Variants in EFCAB11 observed in about 807,000 individuals in gnomAD.
The protein encoded by EFCAB11 is EF-hand calcium binding domain 11, also known as EF-hand calcium-binding domain-containing protein 11.
A neutral mutation model predicts 23.0 loss-of-function variants in EFCAB11; 14 were observed. The ratio of observed to expected loss-of-function variants is 0.61; its 90% confidence interval spans 0.40 to 0.95. The LOEUF is 0.95. Among genes scored for constraint, EFCAB11 ranks in the 40% least tolerant of loss-of-function variants. The pLI, the probability that EFCAB11 is intolerant of heterozygous loss-of-function variation, is 0.00. For missense variants in EFCAB11, 198 were observed against 195.8 expected, an observed-to-expected ratio of 1.01 and a Z score of -0.07; for synonymous variants, 65 against 66.6, an observed-to-expected ratio of 0.98 and a Z score of 0.11.
intron 5 of EFCAB11, among the ~76,000 whole-genome samples, chr14:89,865,240 T>C (rs1344863179): frequency 6.6e-6 from 1 of 152,218 alleles, no homozygotes; most frequent in Non-Finnish European, 1.5e-5. Context: ...CATGGTTCTG[T>C]TGTGAGAGTC....
At chr14:89,842,404 C>T (rs1887295524) in intron 5 of EFCAB11, among the ~76,000 whole-genome samples, 1 of 152,160 alleles carries the variant, frequency 6.6e-6, no homozygotes, top group South Asian at 2.1e-4. Context: ...GCCTAGCCGA[C>T]AGGCTGAAAC....
intron 5 of EFCAB11, among the ~76,000 whole-genome samples, chr14:89,815,675 C>A (rs549657645): frequency 6.6e-6 from 1 of 152,106 alleles, no homozygotes; most frequent in African/African-American, 2.4e-5. Context: ...CCACCCGCCT[C>A]GGCCTCCCAA....
chr14:89,900,363 C>T (rs1171161545), intron 5 of EFCAB11, among the ~76,000 whole-genome samples: 1 of 151,818 alleles, frequency 6.6e-6, no homozygotes, highest in African/African-American at 2.4e-5. Flanking sequence ...GCAGGGCTAC[C>T]CAGGGGGCTT....
In EFCAB11 at chr14:89,953,896, A is replaced by G; in HGVS notation, c.171+10T>C. 1.9e-6 allele frequency: 3 copies of G among 1,609,968 alleles called. No individual in the cohort carries two copies. Among genetic ancestry groups the G allele is most frequent in the Non-Finnish European group, 2.5e-6 (3 of 1,178,042 alleles). On this transcript the variant is annotated intron_variant, in intron 2 of 5. Transcript: ENST00000316738. Reference sequence around the variant, plus strand: ...TCTACCCCATCCCCAAATATATAAGAAAGCTCTACCTTGGAGGGCTTGTAC... The same window carrying G: ...TCTACCCCATCCCCAAATATATAAGGAAGCTCTACCTTGGAGGGCTTGTAC...
chr14:89,797,487 G>T (rs1214108070), intron 5 of EFCAB11, among the ~76,000 whole-genome samples, 163 bp from the exon 6 acceptor site: 1 of 151,868 alleles, frequency 6.6e-6, no homozygotes, highest in East Asian at 1.9e-4. Context: ...TGATAATAAA[G>T]GTTTGCAGGA....
intron 5 of EFCAB11, among the ~76,000 whole-genome samples, chr14:89,902,712 A>C (rs73320755): frequency 1.3e-5 from 2 of 152,210 alleles, no homozygotes; most frequent in Non-Finnish European, 2.9e-5. Context: ...TACCACTCAG[A>C]ACACCACTGA....
At chr14:89,937,977 C>T (rs561914073) in intron 3 of EFCAB11, 1 of 152,034 alleles carries the variant, frequency 6.6e-6, no homozygotes, top group African/African-American at 2.4e-5. Context: ...TCTTTCACCA[C>T]AGGGGAAGAT....
At chr14:89,838,247 AAT>A (rs1466544492) in intron 5 of EFCAB11, among the ~76,000 whole-genome samples, 2 of 152,332 alleles carry the variant, frequency 1.3e-5, no homozygotes, top group African/African-American at 4.8e-5. Flanking sequence ...CCTCAGTCAT[AAT>A]AGAGATTACT....
At chr14:89,911,365 G>T (rs1165206534) in intron 5 of EFCAB11, among the ~76,000 whole-genome samples, 1 of 152,164 alleles carries the variant, frequency 6.6e-6, no homozygotes, top group Non-Finnish European at 1.5e-5. Context: ...AGGCACTGCC[G>T]AGTGACAAGG....
intron 5 of EFCAB11, among the ~76,000 whole-genome samples, chr14:89,815,173 T>C (rs965541441): frequency 1.3e-5 from 2 of 151,986 alleles, no homozygotes; most frequent in Non-Finnish European, 2.9e-5. Flanking sequence ...ACAATGAACA[T>C]CCTCCCCAGA....
chr14:89,823,412 G>A (rs1886591589), intron 5 of EFCAB11, among the ~76,000 whole-genome samples: 1 of 152,162 alleles, frequency 6.6e-6, no homozygotes, highest in Non-Finnish European at 1.5e-5. Context: ...TTGACCTCCT[G>A]AGACCCTAAG....
At position 89,954,728 on chromosome 14, in the gene EFCAB11, C is replaced by T; in HGVS notation, c.-68G>A. The stretch of plus-strand genomic sequence containing the variant: ...ACCGCTTTCCCAGCCTGGCTGGCAG[C>T]CTACCGCGGCCACGCCCACCGCGGC... On this transcript the variant is annotated 5_prime_UTR_variant, in exon 1 of 6. Transcript: ENST00000316738. The T allele has an allele frequency of 6.4e-7, 1 of 1,556,982 alleles. No homozygotes were observed. Among genetic ancestry groups the T allele is most frequent in the South Asian group, 1.2e-5 (1 of 86,280 alleles).
At chr14:89,894,346 C>T (rs915600459) in intron 5 of EFCAB11, among the ~76,000 whole-genome samples, 10 of 151,988 alleles carry the variant, frequency 6.6e-5, no homozygotes, top group African/African-American at 2.4e-4. Context: ...TTTGCTGCAC[C>T]TATCAACCTG....
intron 5 of EFCAB11, among the ~76,000 whole-genome samples, chr14:89,895,195 C>G (rs1889117074): frequency 6.6e-6 from 1 of 152,092 alleles, no homozygotes; most frequent in Admixed American, 6.5e-5. Context: ...ATGGTGACAG[C>G]AGTGTGATGG....
chr14:89,836,040 A>G (rs910007302), intron 5 of EFCAB11, among the ~76,000 whole-genome samples: 28 of 152,110 alleles, frequency 1.8e-4, no homozygotes. Context: ...ACGGATAAAC[A>G]AGGGTGCTAG....
intron 5 of EFCAB11, among the ~76,000 whole-genome samples, chr14:89,929,145 C>A (rs1596460324): frequency 6.7e-6 from 1 of 149,794 alleles, no homozygotes; most frequent in Admixed American, 6.8e-5. Context: ...CTTCTGGGCT[C>A]AAGAGATCCT....
intron 5 of EFCAB11, among the ~76,000 whole-genome samples, chr14:89,817,837 T>G (rs1596380671): frequency 6.6e-6 from 1 of 152,060 alleles, no homozygotes; most frequent in African/African-American, 2.4e-5. Context: ...CTACTAAAAA[T>G]ACAAAAATCA....
chr14:89,951,621 T>C (rs541836719), intron 2 of EFCAB11, among the ~76,000 whole-genome samples: 1 of 152,200 alleles, frequency 6.6e-6, no homozygotes, highest in East Asian at 1.9e-4. Context: ...AATTTCATTG[T>C]GTATGGGTGG....
intron 3 of EFCAB11, among the ~76,000 whole-genome samples, chr14:89,944,944 TAATAA>T (rs1302823451): frequency 8.8e-6 from 1 of 113,142 alleles, no homozygotes; most frequent in Non-Finnish European, 1.8e-5. Flanking sequence ...ATAATAAATC[TAATAA>T]AATATTAGAT....
Sources: gnomAD v4.1 joint callset for allele counts (sites outside exome capture counted in the v4.1 genomes callset) on GRCh38, gnomAD v4.1.1 for gene constraint, MANE v1.5 for transcripts, NCBI Gene and HGNC (gene_info 2026-07-23, HGNC 2026-07-21) for gene names.